Variants in KCND2 observed in about 807,000 individuals in gnomAD.
KCND2 encodes A-type voltage-gated potassium channel KCND2.
Under a neutral mutation model 54.4 loss-of-function variants are expected in KCND2, and 16 were observed. The observed-to-expected ratio is 0.29, with a 90% confidence interval of 0.20 to 0.45. The LOEUF (loss-of-function observed/expected upper bound fraction) is 0.45, where lower values mean the gene tolerates loss of function less well. Ranked by LOEUF, KCND2 falls within the 20% of genes least tolerant of loss-of-function variation. The pLI is 1.00. For missense variants in KCND2, 486 were observed against 824.2 expected (o/e 0.59, Z 5.02); for synonymous variants, 317 against 310.7 (o/e 1.02, Z -0.21).
chr7:120,322,628 ATATT>A (rs1471124309), intron 1 of KCND2, among the ~76,000 whole-genome samples: 3 of 152,152 alleles, frequency 2.0e-5, no homozygotes, highest in East Asian at 3.8e-4. Context: ...TACAAAGGAA[ATATT>A]TATTTTAATT....
At chr7:120,477,263 C>T (rs748095778) in intron 1 of KCND2, among the ~76,000 whole-genome samples, 7 of 152,108 alleles carry the variant, frequency 4.6e-5, no homozygotes, top group South Asian at 2.1e-4. Context: ...ACCAAGCAAA[C>T]GCTAATGTAA....
chr7:120,412,689 A>C (rs1241346950), intron 1 of KCND2, among the ~76,000 whole-genome samples: 4 of 152,072 alleles, frequency 2.6e-5, no homozygotes, highest in Non-Finnish European at 4.4e-5. Context: ...GTAAGGCTAC[A>C]CATTCACTGA....
At chr7:120,412,968 TA>T in intron 1 of KCND2, among the ~76,000 whole-genome samples, 1 of 152,204 alleles carries the variant, frequency 6.6e-6, no homozygotes, top group East Asian at 1.9e-4. Flanking sequence ...GTTCACATGT[TA>T]AACACAAATT....
intron 1 of KCND2, among the ~76,000 whole-genome samples, chr7:120,341,043 G>A (rs1447903780): frequency 6.6e-6 from 1 of 152,148 alleles, no homozygotes; most frequent in Admixed American, 6.5e-5. Context: ...GTTTTACTGA[G>A]GAGAGAATAT....
chr7:120,646,938 T>C (rs886795728), intron 1 of KCND2, among the ~76,000 whole-genome samples: 1 of 152,198 alleles, frequency 6.6e-6, no homozygotes, highest in African/African-American at 2.4e-5. Flanking sequence ...AGTCACTTGT[T>C]CTTAAACTTT....
intron 1 of KCND2, among the ~76,000 whole-genome samples, chr7:120,418,217 T>C (rs1054343266): frequency 6.6e-6 from 1 of 152,134 alleles, no homozygotes; most frequent in African/African-American, 2.4e-5. Flanking sequence ...CAAGCATTTA[T>C]CTAGATATAA....
chr7:120,628,637 C>G (rs1036617999), intron 1 of KCND2, among the ~76,000 whole-genome samples: 3 of 152,202 alleles, frequency 2.0e-5, no homozygotes, highest in South Asian at 4.1e-4. Flanking sequence ...TAAGAATACA[C>G]TAATGAAATC....
chr7:120,620,514 C>T (rs1387709911), intron 1 of KCND2, among the ~76,000 whole-genome samples: 1 of 152,126 alleles, frequency 6.6e-6, no homozygotes, highest in Non-Finnish European at 1.5e-5. Context: ...AGGCATTTTC[C>T]AACCAAAATA....
chr7:120,478,826 C>T (rs1421735243), intron 1 of KCND2, among the ~76,000 whole-genome samples: 1 of 151,992 alleles, frequency 6.6e-6, no homozygotes, highest in East Asian at 1.9e-4. Flanking sequence ...AAATAACCAT[C>T]CTGAAGATTT....
chr7:120,660,748 T>G (rs1791856090), intron 1 of KCND2, among the ~76,000 whole-genome samples: 1 of 152,194 alleles, frequency 6.6e-6, no homozygotes, highest in Non-Finnish European at 1.5e-5. Context: ...AGGAATACAG[T>G]GCTCTTGGCC....
At chr7:120,603,923 A>G (rs1451444535) in intron 1 of KCND2, among the ~76,000 whole-genome samples, 1 of 152,126 alleles carries the variant, frequency 6.6e-6, no homozygotes, top group African/African-American at 2.4e-5. Flanking sequence ...AAAAGTTGGT[A>G]TGATATATGG....
chr7:120,328,029 T>C (rs1800004803), intron 1 of KCND2, among the ~76,000 whole-genome samples: 1 of 152,132 alleles, frequency 6.6e-6, no homozygotes, highest in South Asian at 2.1e-4. Flanking sequence ...TAATCACCTA[T>C]GGAGAACTTT....
chr7:120,706,392 A>G (rs1044548003), intron 1 of KCND2, among the ~76,000 whole-genome samples: 2 of 152,208 alleles, frequency 1.3e-5, no homozygotes, highest in African/African-American at 4.8e-5. Flanking sequence ...GGGAAGCCCA[A>G]TATCAAGGTG....
At chr7:120,327,250 G>A (rs1408896258) in intron 1 of KCND2, among the ~76,000 whole-genome samples, 1 of 152,066 alleles carries the variant, frequency 6.6e-6, no homozygotes, top group African/African-American at 2.4e-5. Context: ...GGTCTTTAGA[G>A]ACTGCAGATG....
intron 1 of KCND2, among the ~76,000 whole-genome samples, chr7:120,635,266 G>A (rs757405575): frequency 7.2e-5 from 11 of 152,180 alleles, no homozygotes; most frequent in Non-Finnish European, 8.8e-5. Flanking sequence ...TAGCAGATAA[G>A]TGAAGAATGA....
intron 1 of KCND2, among the ~76,000 whole-genome samples, chr7:120,375,299 G>C (rs769247853): frequency 1.3e-4 from 19 of 151,672 alleles, no homozygotes; most frequent in Non-Finnish European, 2.1e-4. Flanking sequence ...AAAAATATCA[G>C]CGTATTAAAA....
rs2116516940 is a variant in KCND2 at position 120,632,475 on chromosome 7, T to C, written c.1116-100428T>C. ...TGTAGAGAGTAAGAAAATGGCTCTC[T>C]CTGGAGTTATTTGGGGAATGAAAAG... On this transcript the variant is annotated intron_variant, in intron 1 of 5. Transcript: ENST00000331113. Among the ~76,000 whole-genome samples the C allele has an allele frequency of 1.3e-5, 2 of 152,318 alleles. 1 individual carries two copies. The highest frequency in any genetic ancestry group is 4.1e-4 in the South Asian group (2 of 4,824).
intron 1 of KCND2, among the ~76,000 whole-genome samples, chr7:120,403,020 T>A (rs1280928399): frequency 6.6e-6 from 1 of 152,200 alleles, no homozygotes; most frequent in African/African-American, 2.4e-5. Flanking sequence ...TAACAATGTG[T>A]CTGAACTTTA....
intron 1 of KCND2, among the ~76,000 whole-genome samples, chr7:120,700,760 G>A (rs2116029084): frequency 6.6e-6 from 1 of 152,170 alleles, no homozygotes; most frequent in East Asian, 1.9e-4. Context: ...TGTTCAGTAA[G>A]TATTTATTGA....
Sources: allele counts gnomAD v4.1 joint callset (sites outside exome capture counted in the v4.1 genomes callset), GRCh38; gene constraint gnomAD v4.1.1; transcripts MANE v1.5; gene names NCBI Gene and HGNC (gene_info 2026-07-23, HGNC 2026-07-21).